MTUS2: variants seen among roughly 807,000 people sequenced by gnomAD.
MTUS2 encodes microtubule-associated tumor suppressor candidate 2.
Under a neutral mutation model 114.1 loss-of-function variants are expected in MTUS2, and 40 were observed. That is an observed-to-expected ratio of 0.35 (90% CI 0.27 to 0.46). MTUS2 has a LOEUF of 0.46. Ranked by LOEUF, MTUS2 falls within the 20% of genes least tolerant of loss-of-function variation. The pLI, the probability that MTUS2 is intolerant of heterozygous loss-of-function variation, is 1.00. For missense variants in MTUS2, 1,679 were observed against 1,705.4 expected (o/e 0.98, Z 0.27); for synonymous variants, 688 against 672.0 (o/e 1.02, Z -0.37).
rs547725431 is a variant in MTUS2 at position 28,871,567 on chromosome 13, C to T, written c.-243+31717C>T. Among the ~76,000 whole-genome samples, 8 of 152,286 alleles carry T rather than the reference C, an allele frequency of 5.3e-5. No individual in the cohort carries two copies. The South Asian group carries it at 1.2e-3, about 24-fold the overall frequency. ...ATAAATGTTGAGTGCTTACTATATA[C>T]CAACTACTCTATTAATCACTCAGGA... On this transcript the variant is annotated intron_variant, in intron 2 of 15. Transcript: ENST00000612955.
chr13:29,463,657 A>G lies in MTUS2; in HGVS notation c.3185-16493A>G, dbSNP rs145929647. Reference sequence around the variant, plus strand: ...CCCAGGTGCTCTGCCTCCTGAGCCCACACTGTTGACCACTTCACCACAGAG... The same window carrying G: ...CCCAGGTGCTCTGCCTCCTGAGCCCGCACTGTTGACCACTTCACCACAGAG... On this transcript the variant is annotated intron_variant, in intron 9 of 15. Coordinates refer to ENST00000612955, the MANE Select transcript of MTUS2 (RefSeq NM_001033602.4). Among the ~76,000 whole-genome samples the G allele has an allele frequency of 6.6e-5, 10 of 152,254 alleles. No homozygotes were observed. In the East Asian group the frequency reaches 1.9e-3, roughly 29 times the overall value.
chr13:29,360,050 G>A (rs986604059), intron 8 of MTUS2, among the ~76,000 whole-genome samples: 5 of 152,204 alleles, frequency 3.3e-5, no homozygotes, highest in Non-Finnish European at 7.3e-5. Flanking sequence ...GTCTGGATCT[G>A]TGTGTGTATA....
In MTUS2 at chr13:29,026,785, A is replaced by G. The variant is rs766379363; in HGVS notation, c.2087A>G (p.Tyr696Cys). 3.1e-6 allele frequency: 5 copies of G among 1,613,612 alleles called. No individual in the cohort carries two copies. The highest frequency in any genetic ancestry group is 2.2e-5 in the South Asian group (2 of 91,086). ...GACCTGAAGCCATCTGCCAACCTCT[A>G]TGAGAAATTCAAGCCAGACCTGCAG... ...GGDLKPSANLYEKFKPDLQKP... is the reference protein window; with the variant it reads ...GGDLKPSANLCEKFKPDLQKP... The change falls in exon 3 of 16, where the codon TAT becomes TGT. Residue 696 changes from tyrosine (Y) to cysteine (C), a missense_variant. This residue lies in a region of MTUS2 where 822 missense variants were observed against 899.7 expected (regional missense o/e 0.91). Transcript: ENST00000612955.
chr13:29,155,023 C>A (rs1046979660), intron 5 of MTUS2, among the ~76,000 whole-genome samples: 11 of 152,164 alleles, frequency 7.2e-5, no homozygotes, highest in African/African-American at 2.4e-4. Context: ...ATGAGAGCAA[C>A]CTGAGCTCAT....
intron 5 of MTUS2, among the ~76,000 whole-genome samples, chr13:29,273,147 C>T (rs1292489986): frequency 5.3e-5 from 8 of 152,152 alleles, no homozygotes; most frequent in Admixed American, 4.6e-4. Flanking sequence ...CACATTCAAA[C>T]CATAACAGTA....
chr13:29,457,838 T>C (rs1201843660), intron 9 of MTUS2, among the ~76,000 whole-genome samples: 1 of 152,186 alleles, frequency 6.6e-6, no homozygotes, highest in Admixed American at 6.5e-5. Context: ...GTTTTAGTCA[T>C]TCTAGTAAGT....
intron 1 of MTUS2, among the ~76,000 whole-genome samples, chr13:28,824,205 C>T (rs1471547324): frequency 6.7e-6 from 1 of 150,198 alleles, no homozygotes; most frequent in East Asian, 1.9e-4. Flanking sequence ...GATAATAGGC[C>T]CCTGACTTTC....
At chr13:29,306,935 A>G (rs1030208553) in intron 6 of MTUS2, 2 of 542,428 alleles carry the variant, frequency 3.7e-6, no homozygotes, top group Admixed American at 1.9e-5. Flanking sequence ...GGTTCTACCC[A>G]TGGCAAATTC....
intron 2 of MTUS2, among the ~76,000 whole-genome samples, chr13:28,928,432 C>G (rs976234765): frequency 5.9e-5 from 9 of 152,062 alleles, no homozygotes; most frequent in Non-Finnish European, 8.8e-5. Flanking sequence ...CAATTAAAAA[C>G]TGGGCAAAAA....
intron 5 of MTUS2, among the ~76,000 whole-genome samples, chr13:29,162,638 GT>G (rs1893147421): frequency 6.6e-6 from 1 of 152,196 alleles, no homozygotes; most frequent in South Asian, 2.1e-4. Flanking sequence ...TAAACATCAT[GT>G]CCTCTAATTT....
At chr13:29,292,305 C>T (rs1042597776) in intron 6 of MTUS2, among the ~76,000 whole-genome samples, 2 of 152,200 alleles carry the variant, frequency 1.3e-5, no homozygotes, top group African/African-American at 4.8e-5. Flanking sequence ...GTCCACTCAA[C>T]GTGTACCTAC....
intron 5 of MTUS2, among the ~76,000 whole-genome samples, chr13:29,181,387 A>G (rs750455315): frequency 2.0e-4 from 31 of 152,214 alleles, no homozygotes; most frequent in Non-Finnish European, 3.4e-4. Flanking sequence ...CCACCCACCA[A>G]GGTTTCTGGG....
At chr13:28,830,470 A>T (rs1480139253) in intron 1 of MTUS2, among the ~76,000 whole-genome samples, 1 of 148,502 alleles carries the variant, frequency 6.7e-6, no homozygotes, top group Non-Finnish European at 1.5e-5. Flanking sequence ...AAAGGAACAA[A>T]ATAGAAATTA....
At chr13:29,347,895 A>T (rs913449499) in intron 7 of MTUS2, among the ~76,000 whole-genome samples, 3 of 147,488 alleles carry the variant, frequency 2.0e-5, no homozygotes, top group Non-Finnish European at 1.5e-5. Context: ...ATTATAAAAG[A>T]TATGATAAAG....
intron 5 of MTUS2, among the ~76,000 whole-genome samples, chr13:29,155,746 A>G (rs1892832671): frequency 6.6e-6 from 1 of 152,178 alleles, no homozygotes; most frequent in African/African-American, 2.4e-5. Flanking sequence ...GAATTATATT[A>G]CACTATGATT....
chr13:29,330,980 A>G (rs1053520416), intron 7 of MTUS2, among the ~76,000 whole-genome samples: 2 of 152,248 alleles, frequency 1.3e-5, no homozygotes, highest in South Asian at 2.1e-4. Context: ...AAGAAAGTCA[A>G]TGGTAGCTTG....
intron 2 of MTUS2, among the ~76,000 whole-genome samples, chr13:28,918,981 C>T (rs142001063): frequency 0.016 from 2,422 of 152,062 alleles, 28 homozygotes; most frequent in Non-Finnish European, 0.027. Flanking sequence ...TTAACTGAAT[C>T]CCTCCCATTT....
intron 5 of MTUS2, among the ~76,000 whole-genome samples, chr13:29,258,606 G>C (rs1266892263): frequency 6.6e-6 from 1 of 152,196 alleles, no homozygotes; most frequent in East Asian, 1.9e-4. Flanking sequence ...TTCAGAATTT[G>C]CCATTATTTA....
chr13:29,129,506 C>T (rs1176519672), intron 5 of MTUS2, among the ~76,000 whole-genome samples: 1 of 151,952 alleles, frequency 6.6e-6, no homozygotes, highest in Non-Finnish European at 1.5e-5. Context: ...AGAGGTTCAG[C>T]CTATTTAGTA....
Sources: gnomAD v4.1 joint callset for allele counts (sites outside exome capture counted in the v4.1 genomes callset) on GRCh38, gnomAD v4.1.1 for gene constraint, gnomAD v4.1.1 regional missense constraint, MANE v1.5 for transcripts, NCBI Gene and HGNC (gene_info 2026-07-23, HGNC 2026-07-21) for gene names.